Variants in JHY observed in about 807,000 individuals in gnomAD.
JHY encodes jhy protein homolog.
Under a neutral mutation model 78.0 loss-of-function variants are expected in JHY, and 69 were observed. The observed-to-expected ratio is 0.88, with a 90% CI of 0.73 to 1.08. JHY has a LOEUF of 1.08. JHY is among the 50% of genes least tolerant of loss of function. JHY has a pLI of 0.00. For synonymous variants in JHY, 368 were observed against 342.6 expected (o/e 1.07, Z -0.82); for missense variants, 944 against 927.8 (o/e 1.02, Z -0.23).
At position 122,931,529 on chromosome 11, in the gene JHY, G is replaced by A. The variant is rs372324746; in HGVS notation, c.979-2891G>A. Reference sequence around the variant, plus strand: ...AGAGCCAATTAATATTTTTGCTTGAGATTCTCTTAATATTATCAGATGGAA... The same window carrying A: ...AGAGCCAATTAATATTTTTGCTTGAAATTCTCTTAATATTATCAGATGGAA... On this transcript the variant is annotated intron_variant, in intron 4 of 8. Coordinates refer to ENST00000227349, the MANE Select transcript of JHY (RefSeq NM_024806.4). Among the ~76,000 whole-genome samples the A allele has an allele frequency of 2.0e-5, 3 of 152,044 alleles. No homozygotes were observed. In the South Asian group the frequency reaches 6.2e-4, roughly 31 times the overall value.
rs886437510 is a variant in JHY at position 122,885,782 on chromosome 11, A to G, written c.-68A>G. 1 of 1,283,674 alleles carries G rather than the reference A, an allele frequency of 7.8e-7. No homozygotes were observed. The highest frequency in any genetic ancestry group is 1.1e-6 in the Non-Finnish European group (1 of 922,114). The allele number at this position is 1,283,674 out of a possible 1,614,324, so 79.5% of individuals were successfully genotyped here. ...TCAGGTAACGCTTTTGTGAACCACAACTTTAAATATCAGCCAGCTGCTCCT... is the reference window on the plus strand; with the variant it reads ...TCAGGTAACGCTTTTGTGAACCACAGCTTTAAATATCAGCCAGCTGCTCCT... On this transcript the variant is annotated 5_prime_UTR_variant, in exon 2 of 9. Transcript: ENST00000227349.
At chr11:122,905,090 G>A in intron 3 of JHY, 3 of 1,029,226 alleles carry the variant, frequency 2.9e-6, no homozygotes, top group Non-Finnish European at 4.6e-6. Context: ...ATTGTCCTGT[G>A]TAAATGATAT....
At position 122,960,454 on chromosome 11, in the gene JHY, C is replaced by A; in HGVS notation, c.*1009C>A. 4.2e-6 allele frequency: 1 copy of A among 237,656 alleles called. No homozygotes were observed. The highest frequency in any genetic ancestry group is 8.9e-6 in the Non-Finnish European group (1 of 112,792). 14.7% of individuals were successfully genotyped at this position (237,656 alleles called of 1,614,324 possible). On this transcript the variant is annotated 3_prime_UTR_variant, in exon 9 of 9. Coordinates refer to ENST00000227349, the MANE Select transcript of JHY (RefSeq NM_024806.4). Reference sequence around the variant, plus strand: ...CACACAGGGAAGCCACTCCTTGCCCCTCTACCACCTCTTCCTTCCTTTTCC... The same window carrying A: ...CACACAGGGAAGCCACTCCTTGCCCATCTACCACCTCTTCCTTCCTTTTCC...
chr11:122,894,370 G>A (rs1013304918), intron 2 of JHY, among the ~76,000 whole-genome samples: 1 of 151,706 alleles, frequency 6.6e-6, no homozygotes, highest in Non-Finnish European at 1.5e-5. Context: ...AGAAGAAGAA[G>A]AAACTCTACC....
At chr11:122,900,323 C>A (rs1374475072) in intron 2 of JHY, among the ~76,000 whole-genome samples, 1 of 152,008 alleles carries the variant, frequency 6.6e-6, no homozygotes, top group Non-Finnish European at 1.5e-5. Context: ...TTAGGGGGAC[C>A]ATTAGTTTGT....
At chr11:122,923,435 G>A (rs1369761146) in intron 3 of JHY, among the ~76,000 whole-genome samples, 1 of 152,182 alleles carries the variant, frequency 6.6e-6, no homozygotes, top group Non-Finnish European at 1.5e-5. Context: ...TACCAGGGAT[G>A]GTGTGGATGT....
chr11:122,951,493 T>C (rs1010525690), intron 6 of JHY, among the ~76,000 whole-genome samples: 11 of 152,338 alleles, frequency 7.2e-5, no homozygotes, highest in African/African-American at 2.6e-4. Context: ...TTTCCTTCAC[T>C]TGCTGTTCCA....
chr11:122,889,111 T>C (rs1171405719), intron 2 of JHY, among the ~76,000 whole-genome samples: 2 of 152,204 alleles, frequency 1.3e-5, no homozygotes, highest in African/African-American at 2.4e-5. Flanking sequence ...AGAATTACTG[T>C]CTTTTTAACT....
At chr11:122,937,204 C>T (rs1411014735) in intron 5 of JHY, among the ~76,000 whole-genome samples, 1 of 149,378 alleles carries the variant, frequency 6.7e-6, no homozygotes, top group African/African-American at 2.5e-5. Context: ...TATTATTCCA[C>T]CTTTATTATA....
intron 6 of JHY, among the ~76,000 whole-genome samples, chr11:122,954,797 CTAAA>C (rs919565542): frequency 7.7e-6 from 1 of 129,484 alleles, no homozygotes; most frequent in Non-Finnish European, 1.6e-5. Flanking sequence ...TGGCCTCAAA[CTAAA>C]TAAATAGATA....
intron 4 of JHY, among the ~76,000 whole-genome samples, chr11:122,932,960 A>G (rs1467826053): frequency 6.6e-6 from 1 of 152,204 alleles, no homozygotes; most frequent in Non-Finnish European, 1.5e-5. Flanking sequence ...AGAAAGCTCA[A>G]ATTCTCAAAA....
At chr11:122,938,100 C>A (rs531517561) in intron 5 of JHY, among the ~76,000 whole-genome samples, 1 of 151,754 alleles carries the variant, frequency 6.6e-6, no homozygotes, top group Non-Finnish European at 1.5e-5. Flanking sequence ...CATAATATTG[C>A]GCCTTTGTAT....
intron 4 of JHY, among the ~76,000 whole-genome samples, chr11:122,932,550 T>C (rs80173357): frequency 0.022 from 3,300 of 152,296 alleles, 70 homozygotes; most frequent in South Asian, 0.088. Context: ...GATGGCAGCA[T>C]CCTGGTTACT....
At chr11:122,941,990 G>A (rs1764821833) in intron 5 of JHY, among the ~76,000 whole-genome samples, 1 of 152,048 alleles carries the variant, frequency 6.6e-6, no homozygotes, top group African/African-American at 2.4e-5. Flanking sequence ...TCCTGTCTCA[G>A]CTTCCCAAGT....
chr11:122,910,661 C>G (rs1457645639), intron 3 of JHY, among the ~76,000 whole-genome samples: 1 of 152,050 alleles, frequency 6.6e-6, no homozygotes, highest in Non-Finnish European at 1.5e-5. Flanking sequence ...TATGTATTAT[C>G]TTTTAAAAAT....
chr11:122,938,963 A>G (rs985623198), intron 5 of JHY, among the ~76,000 whole-genome samples: 2 of 148,442 alleles, frequency 1.3e-5, no homozygotes, highest in East Asian at 4.0e-4. Flanking sequence ...GGAGAAGATG[A>G]TCTGGAGATC....
chr11:122,907,055 A>G (rs1212275243), intron 3 of JHY, among the ~76,000 whole-genome samples: 1 of 152,054 alleles, frequency 6.6e-6, no homozygotes, highest in Non-Finnish European at 1.5e-5. Flanking sequence ...GGATTCGATC[A>G]TCACACACTG....
In JHY at chr11:122,942,523, A is replaced by G. The variant is rs576291979; in HGVS notation, c.1635-3975A>G. On this transcript the variant is annotated intron_variant, in intron 5 of 8. Transcript: ENST00000227349. ...ACTGCAACCTCCATCTCTCGGGTTC[A>G]AGCGATTATTGTGCCTCAGCCTCCC... 8.5e-5 allele frequency among the ~76,000 whole-genome samples: 13 copies of G among 152,052 alleles called. No homozygotes were observed. In the South Asian group the frequency reaches 1.0e-3, roughly 12 times the overall value.
Position 122,934,470 on chromosome 11 carries a change from A to T in JHY, c.1029A>T (p.Val343=). Residue 343 remains valine (V), a synonymous_variant, in exon 5 of 9, where the codon GTA becomes GTT. Coordinates refer to ENST00000227349, the MANE Select transcript of JHY (RefSeq NM_024806.4). ...SQYESTKSSN[V]PRGQPSDMVN... is the part of the protein sequence containing the mutation. Reference sequence around the variant, plus strand: ...ATGAAAGTACAAAATCAAGCAATGTACCAAGAGGGCAACCTTCTGACATGG... The same window carrying T: ...ATGAAAGTACAAAATCAAGCAATGTTCCAAGAGGGCAACCTTCTGACATGG... 1 of 1,613,956 alleles carries T rather than the reference A, an allele frequency of 6.2e-7. No individual in the cohort carries two copies. Among genetic ancestry groups the T allele is most frequent in the South Asian group, 1.1e-5 (1 of 91,070 alleles).
Sources: gnomAD v4.1 joint callset for allele counts (sites outside exome capture counted in the v4.1 genomes callset) on GRCh38, gnomAD v4.1.1 for gene constraint, MANE v1.5 for transcripts, NCBI Gene and HGNC (gene_info 2026-07-23, HGNC 2026-07-21) for gene names.